The following GRAMD1A variants were observed in gnomAD, a reference collection of about 807,000 sequenced individuals.
The protein encoded by GRAMD1A is protein Aster-A.
A neutral mutation model predicts 92.0 loss-of-function variants in GRAMD1A; 50 were observed. The observed-to-expected ratio is 0.54, with a 90% CI of 0.43 to 0.69. The LOEUF (loss-of-function observed/expected upper bound fraction) is 0.69. GRAMD1A is among the 30% of genes least tolerant of loss of function. The probability of loss-of-function intolerance (pLI) is 0.00; values close to 1 mark genes in which losing one functional copy is unlikely to be tolerated. For missense variants in GRAMD1A, 819 were observed against 978.9 expected (o/e 0.84, Z 2.18); for synonymous variants, 405 against 403.6 (o/e 1.00, Z -0.04).
rs2016092798 is a variant in GRAMD1A, at chr19:35,021,960, G to T, written c.1763G>T (p.Ser588Ile). The T allele has an allele frequency of 6.2e-7, 1 of 1,613,954 alleles. No homozygotes were observed. The highest frequency in any genetic ancestry group is 1.7e-5 in the Admixed American group (1 of 59,990). The stretch of plus-strand genomic sequence containing the variant: ...AGCTGCTCTCCTGCAGGCTCCCTCA[G>T]CTCCCGCTTCTCCGAACCATCTGTG... The part of the protein sequence containing the change: ...RAGIHTSGSL[S>I]SRFSEPSVDQ... Residue 588 changes from serine to isoleucine, a missense_variant, in exon 16 of 20, where the codon AGC becomes ATC. Physicochemically the swap from Ser to Ile is moderately radical, Grantham distance 142. This residue lies in a region of GRAMD1A where 577 missense variants were observed against 674.6 expected (regional missense o/e 0.86). Transcript: ENST00000317991. The surrounding 1 kb of genome is among the most constrained non-coding windows in gnomAD (Gnocchi z 5.3).
upstream of GRAMD1A, chr19:34,999,999 G>T (rs2014222922): frequency 1.0e-6 from 1 of 984,394 alleles, no homozygotes; most frequent in Non-Finnish European, 1.2e-6. Context: ...TCCCTGGGAG[G>T]TCCAGGAGCT....
chr19:35,000,349 G>T lies in GRAMD1A; in HGVS notation c.-130G>T. 1.8e-6 allele frequency: 2 copies of T among 1,084,886 alleles called. No individual in the cohort carries two copies. The highest frequency in any genetic ancestry group is 2.2e-6 in the Non-Finnish European group (2 of 895,692). The allele number at this position is 1,084,886 out of a possible 1,614,324, so 67.2% of individuals were successfully genotyped here. A position where few individuals can be genotyped will look rare whatever the true frequency, so the allele number is the denominator to read the frequency against. ...TTTTGTGCGGGCGGTTGGGTCGGGT[G>T]GGGGCGGCGGCCGCGGAAGGCCAGG... On this transcript the variant is annotated 5_prime_UTR_variant, in exon 1 of 20. Coordinates refer to ENST00000317991, the MANE Select transcript of GRAMD1A (RefSeq NM_020895.5). This position sits in a 1 kb window ranked among gnomAD's most constrained non-coding sequence, Gnocchi z 4.9.
rs1568313685 is a variant in GRAMD1A, at chr19:35,000,877, C to G, written c.8+391C>G. Among the ~76,000 whole-genome samples the G allele has an allele frequency of 6.6e-6, 1 of 151,980 alleles. No individual in the cohort carries two copies. Among genetic ancestry groups the G allele is most frequent in the Non-Finnish European group, 1.5e-5 (1 of 67,962 alleles). ...CTCCGGCCTGGGATGGAGACAGGAT[C>G]GGGACCAGCCCAGGCCCACAGGCCG... On this transcript the variant is annotated intron_variant, in intron 1 of 19. Coordinates refer to ENST00000317991, the MANE Select transcript of GRAMD1A (RefSeq NM_020895.5). This position sits in a 1 kb window ranked among gnomAD's most constrained non-coding sequence, Gnocchi z 4.9.
rs77447220 is a variant in GRAMD1A, at chr19:35,014,088, C to T, written c.871-101C>T. On this transcript the variant is annotated intron_variant, in intron 9 of 19. Transcript: ENST00000317991. ...TGAGCCCTCGGTGCACACACCACCC[C>T]GGGTCTGCACAGGCTCTGGAATCCT... 10,003 of 1,119,582 alleles carry T rather than the reference C, an allele frequency of 8.9e-3. 361 individuals are homozygous for T. In the African/African-American group the frequency reaches 0.093, roughly 10 times the overall value. The allele number at this position is 1,119,582 out of a possible 1,614,324, so 69.4% of individuals were successfully genotyped here. A position where few individuals can be genotyped will look rare whatever the true frequency, so the allele number is the denominator to read the frequency against.
Position 35,014,178 on chromosome 19 carries a change from T to C in GRAMD1A, c.871-11T>C, listed in dbSNP as rs768912807. 21 of 1,611,818 alleles carry C rather than the reference T, an allele frequency of 1.3e-5. No homozygotes were observed. In the South Asian group the frequency reaches 2.3e-4, roughly 18 times the overall value. ...GAGGTGGCCAAGGCTGCATCGGGCC[T>C]TTCTCCACAGGCAGAGGAGGACAAG... On this transcript the variant is annotated splice_polypyrimidine_tract_variant and intron_variant, in intron 9 of 19. Transcript: ENST00000317991.
At chr19:35,010,482 G>A (rs185355831) in intron 6 of GRAMD1A, 103 bp downstream of exon 6, 30 of 775,046 alleles carry the variant, frequency 3.9e-5, no homozygotes, top group South Asian at 2.1e-4. Flanking sequence ...AGTTCTCTCC[G>A]AGCTGTCCCC....
rs1024322277 is a variant in GRAMD1A at position 35,019,318 on chromosome 19, G to C, written c.1332+9G>C. 13 of 1,612,270 alleles carry C rather than the reference G, an allele frequency of 8.1e-6. No homozygotes were observed. Among genetic ancestry groups the C allele is most frequent in the Non-Finnish European group, 1.1e-5 (13 of 1,178,940 alleles). On this transcript the variant is annotated intron_variant, in intron 12 of 19. Coordinates refer to ENST00000317991, the MANE Select transcript of GRAMD1A (RefSeq NM_020895.5). Reference sequence around the variant, plus strand: ...CCGTGGTGGAGACACAGGTGGGCCAGGTGGGGCAGCCGAGTGGGTGGGGCA... The same window carrying C: ...CCGTGGTGGAGACACAGGTGGGCCACGTGGGGCAGCCGAGTGGGTGGGGCA...
chr19:35,003,096 T>G (rs1040195200), intron 1 of GRAMD1A, among the ~76,000 whole-genome samples: 8 of 104,226 alleles, frequency 7.7e-5, no homozygotes, highest in Non-Finnish European at 1.5e-4. Context: ...GTGTGTGTAA[T>G]TACTCTGTGG....
At chr19:35,008,304 AG>A (rs1361136004) in intron 1 of GRAMD1A, among the ~76,000 whole-genome samples, 1 of 152,094 alleles carries the variant, frequency 6.6e-6, no homozygotes, top group Non-Finnish European at 1.5e-5. Context: ...ACTCCAGCCT[AG>A]GTGACAGAGT....
chr19:35,010,408 G>A lies in GRAMD1A; in HGVS notation c.525+29G>A, dbSNP rs368205726. 137 of 1,441,812 alleles carry A rather than the reference G, an allele frequency of 9.5e-5. No individual in the cohort carries two copies. In the African/African-American group the frequency reaches 1.6e-3, roughly 17 times the overall value. The allele number at this position is 1,441,812 out of a possible 1,614,324, so 89.3% of individuals were successfully genotyped here. A position where few individuals can be genotyped will look rare whatever the true frequency, so the allele number is the denominator to read the frequency against. On this transcript the variant is annotated intron_variant, in intron 6 of 19. Transcript: ENST00000317991. The stretch of plus-strand genomic sequence containing the variant: ...ACGGAGGACCCGGTGACGGGACCAC[G>A]CGGTCCCCCGCTCAGCAGGCCGCCT...
rs752385025 is a variant in GRAMD1A, at chr19:35,014,329, G to A, written c.1011G>A (p.Leu337=). Residue 337 remains leucine (L), a synonymous_variant, in exon 10 of 20, where the codon CTG becomes CTA. Coordinates refer to ENST00000317991, the MANE Select transcript of GRAMD1A (RefSeq NM_020895.5). ...GPTTLGPLDL[L]PSEELLTDTS... ...CCACCCTGGGCCCCTTGGATCTGCT[G>A]CCCAGTGAGGAGCTATTGACAGACA... 1 of 1,614,202 alleles carries A rather than the reference G, an allele frequency of 6.2e-7. No individual in the cohort carries two copies. Among genetic ancestry groups the A allele is most frequent in the Non-Finnish European group, 8.5e-7 (1 of 1,180,020 alleles).
chr19:34,995,733 G>C (rs2014011300), upstream of GRAMD1A, among the ~76,000 whole-genome samples: 1 of 152,050 alleles, frequency 6.6e-6, no homozygotes, highest in Non-Finnish European at 1.5e-5. Flanking sequence ...ATAGGGACGT[G>C]CCACCATGCC....
At position 35,000,552 on chromosome 19, in the gene GRAMD1A, G is replaced by A; in HGVS notation, c.8+66G>A. The A allele has an allele frequency of 8.3e-7, 1 of 1,200,258 alleles. No homozygotes were observed. 74.4% of individuals were successfully genotyped at this position (1,200,258 alleles called of 1,614,324 possible). A position where few individuals can be genotyped will look rare whatever the true frequency, so the allele number is the denominator to read the frequency against. ...GGGGAGGCCACCGGAGGGAGGGGGC[G>A]CCGCGGGCTTGGGGAGGGGGCGGAG... is the stretch of plus-strand genomic sequence containing the variant. On this transcript the variant is annotated intron_variant, in intron 1 of 19. Coordinates refer to ENST00000317991, the MANE Select transcript of GRAMD1A (RefSeq NM_020895.5). This position sits in a 1 kb window ranked among gnomAD's most constrained non-coding sequence, Gnocchi z 4.9.
At position 35,021,520 on chromosome 19, in the gene GRAMD1A, C is replaced by G; in HGVS notation, c.1494C>G (p.Arg498=). 1 of 1,613,934 alleles carries G rather than the reference C, an allele frequency of 6.2e-7. No homozygotes were observed. The highest frequency in any genetic ancestry group is 1.1e-5 in the South Asian group (1 of 91,078). ...ACCCCAGAGTGTCTTCTGAGATCCGCTACCGAAAGCAGCCGTGGAGCCTGG... is the reference window on the plus strand; with the variant it reads ...ACCCCAGAGTGTCTTCTGAGATCCGGTACCGAAAGCAGCCGTGGAGCCTGG... ...KARLRVSSEI[R]YRKQPWSLVK... is the part of the protein sequence containing the mutation. The change falls in exon 14 of 20, where the codon CGC becomes CGG. Residue 498 remains arginine (R), a synonymous_variant. Transcript: ENST00000317991. The surrounding 1 kb of genome is among the most constrained non-coding windows in gnomAD (Gnocchi z 5.3).
At position 35,021,371 on chromosome 19, in the gene GRAMD1A, C is replaced by A; in HGVS notation, c.1476-131C>A. 1.5e-6 allele frequency: 1 copy of A among 689,278 alleles called. No homozygotes were observed. The highest frequency in any genetic ancestry group is 2.6e-6 in the Non-Finnish European group (1 of 385,670). The allele number at this position is 689,278 out of a possible 1,614,324, so 42.7% of individuals were successfully genotyped here. On this transcript the variant is annotated intron_variant, in intron 13 of 19. Coordinates refer to ENST00000317991, the MANE Select transcript of GRAMD1A (RefSeq NM_020895.5). The surrounding 1 kb of genome is among the most constrained non-coding windows in gnomAD (Gnocchi z 5.3). ...AGGGAAGCCATGGGGGGTAGGGAACCCATCTGTTTTGTCTGTGAGTGACAA... is the reference window on the plus strand; with the variant it reads ...AGGGAAGCCATGGGGGGTAGGGAACACATCTGTTTTGTCTGTGAGTGACAA...
chr19:35,010,399 C>T lies in GRAMD1A; in HGVS notation c.525+20C>T, dbSNP rs1214768132. 9.3e-6 allele frequency: 14 copies of T among 1,511,750 alleles called. No homozygotes were observed. The highest frequency in any genetic ancestry group is 5.5e-5 in the African/African-American group (4 of 72,918). The allele number at this position is 1,511,750 out of a possible 1,614,324, so 93.6% of individuals were successfully genotyped here. On this transcript the variant is annotated intron_variant, in intron 6 of 19. Coordinates refer to ENST00000317991, the MANE Select transcript of GRAMD1A (RefSeq NM_020895.5). ...GAGAAGGTGACGGAGGACCCGGTGACGGGACCACGCGGTCCCCCGCTCAGC... is the reference window on the plus strand; with the variant it reads ...GAGAAGGTGACGGAGGACCCGGTGATGGGACCACGCGGTCCCCCGCTCAGC...
At chr19:35,007,517 C>G (rs1285058598) in intron 1 of GRAMD1A, among the ~76,000 whole-genome samples, 1 of 151,952 alleles carries the variant, frequency 6.6e-6, no homozygotes, top group Admixed American at 6.6e-5. Flanking sequence ...GAGATCATGC[C>G]ATTGCACTGC....
chr19:35,018,783 A>G (rs1316548166), intron 11 of GRAMD1A, among the ~76,000 whole-genome samples: 5 of 152,142 alleles, frequency 3.3e-5, no homozygotes, highest in African/African-American at 1.2e-4. Flanking sequence ...GGGGGTGTCC[A>G]GGGCAAGGCC....
At chr19:34,995,567 A>T (rs2013990857), upstream of GRAMD1A, among the ~76,000 whole-genome samples, 1 of 72,842 alleles carries the variant, frequency 1.4e-5, no homozygotes, top group Non-Finnish European at 2.5e-5. Context: ...CTCTCAGATC[A>T]CGGGTTTTTT....
Sources: allele counts gnomAD v4.1 joint callset (sites outside exome capture counted in the v4.1 genomes callset), GRCh38; gene constraint gnomAD v4.1.1; regional missense constraint gnomAD v4.1.1; non-coding constraint Gnocchi (gnomAD v3.1); transcripts MANE v1.5; gene names NCBI Gene and HGNC (gene_info 2026-07-23, HGNC 2026-07-21).